The following SGIP1 variants were observed in gnomAD, a reference collection of about 807,000 sequenced individuals.
SGIP1 encodes SH3GL interacting endocytic adaptor 1.
In SGIP1, 38 loss-of-function variants were observed where a neutral mutation model predicts 107.5. The observed-to-expected ratio is 0.35, with a 90% confidence interval of 0.27 to 0.46. The LOEUF is 0.46. Ranked by LOEUF, SGIP1 falls within the 20% of genes least tolerant of loss-of-function variation. The pLI is 1.00. For missense variants in SGIP1, 929 were observed against 1,019.5 expected (o/e 0.91, Z 1.21); for synonymous variants, 365 against 366.1 (o/e 1.00, Z 0.03).
At chr1:66,659,998 G>GAAAGAAAGAAAGAAGGAAAT (rs1557497159) in intron 7 of SGIP1, 9 of 71,916 alleles carry the variant, frequency 1.3e-4, no homozygotes, top group Non-Finnish European at 1.7e-4. Context: ...AAGAAAGAAA[G>GAAAGAAAGAAAGAAGGAAAT]ACAGACAGAC....
In SGIP1 at chr1:66,741,385, C is replaced by T; in HGVS notation, c.2413C>T (p.Leu805Phe). 1 of 1,608,542 alleles carries T rather than the reference C, an allele frequency of 6.2e-7. No individual in the cohort carries two copies. Among genetic ancestry groups the T allele is most frequent in the Non-Finnish European group, 8.5e-7 (1 of 1,176,996 alleles). Reference sequence around the variant, plus strand: ...CACCCTTTCTGGCTGTGACATTGAACTTGTTGGAGCAGGGTATCGATTTTC... The same window carrying T: ...CACCCTTTCTGGCTGTGACATTGAATTTGTTGGAGCAGGGTATCGATTTTC... ...GSTLSGCDIE[L>F]VGAGYRFSLI... Residue 805 changes from leucine to phenylalanine, a missense_variant, in exon 24 of 25, where the codon CTT becomes TTT. Leu to Phe is a conservative substitution (Grantham distance 22). Around this residue, in one of 2 missense-constraint regions of SGIP1, gnomAD observed 341 missense variants for 430.9 expected, o/e 0.79. Transcript: ENST00000371037.
chr1:66,676,324 G>T (rs960323326), intron 12 of SGIP1, among the ~76,000 whole-genome samples: 1 of 152,178 alleles, frequency 6.6e-6, no homozygotes, highest in African/African-American at 2.4e-5. Flanking sequence ...GTACTGAGAA[G>T]CACTAACTAT....
rs2916 is a variant in SGIP1 at position 66,751,014 on chromosome 1, G to A, written c.*7919G>A. On this transcript the variant is annotated 3_prime_UTR_variant, in exon 25 of 25. Coordinates refer to ENST00000371037, the MANE Select transcript of SGIP1 (RefSeq NM_032291.4). ...AATATGCAATTATTTATTATGACACGTTACTGCAACTAGGGCTCCCATTCC... is the reference window on the plus strand; with the variant it reads ...AATATGCAATTATTTATTATGACACATTACTGCAACTAGGGCTCCCATTCC... 0.36 allele frequency among the ~76,000 whole-genome samples: 55,322 copies of A among 152,002 alleles called. 10,859 individuals carry two copies. The highest frequency in any genetic ancestry group is 0.42 in the Non-Finnish European group (28,230 of 67,940).
intron 24 of SGIP1, among the ~76,000 whole-genome samples, chr1:66,742,002 G>T (rs998866829): frequency 6.6e-6 from 1 of 152,070 alleles, no homozygotes; most frequent in Admixed American, 6.5e-5. Context: ...CCCTGAGCTC[G>T]TGATCCGCCT....
intron 1 of SGIP1, among the ~76,000 whole-genome samples, chr1:66,612,451 A>G (rs1274393516): frequency 2.6e-5 from 4 of 152,234 alleles, no homozygotes; most frequent in Non-Finnish European, 4.4e-5. Context: ...CCCTTTCTGT[A>G]TTAACAAAGG....
At chr1:66,556,765 T>C (rs1571277209) in intron 1 of SGIP1, among the ~76,000 whole-genome samples, 1 of 152,010 alleles carries the variant, frequency 6.6e-6, no homozygotes, top group African/African-American at 2.4e-5. Context: ...GAACCCATCA[T>C]GGCTAAAATG....
Position 66,681,895 on chromosome 1 carries a change from A to G in SGIP1, c.841A>G (p.Lys281Glu). 1 of 1,613,570 alleles carries G rather than the reference A, an allele frequency of 6.2e-7. No individual in the cohort carries two copies. The highest frequency in any genetic ancestry group is 1.1e-5 in the South Asian group (1 of 90,962). ...PGNDQSATEV[K>E]IEKLPSINDL... The stretch of plus-strand genomic sequence containing the variant: ...AAATGACCAGTCAGCCACAGAGGTC[A>G]AAATTGAAAAACTACCATCCATCAA... Residue 281 changes from lysine to glutamate, a missense_variant, in exon 15 of 25, where the codon AAA becomes GAA. Lys to Glu is a moderately conservative substitution (Grantham distance 56). Around this residue, in one of 2 missense-constraint regions of SGIP1, gnomAD observed 588 missense variants for 588.6 expected, o/e 1.00. Transcript: ENST00000371037.
At chr1:66,603,085 C>T (rs947219370) in intron 1 of SGIP1, among the ~76,000 whole-genome samples, 4 of 152,022 alleles carry the variant, frequency 2.6e-5, no homozygotes, top group African/African-American at 9.7e-5. Flanking sequence ...GTAGGTGAAG[C>T]CTAAATGAAT....
At position 66,741,182 on chromosome 1, in the gene SGIP1, T is replaced by C. The variant is rs1210600551; in HGVS notation, c.2300-90T>C. On this transcript the variant is annotated intron_variant, in intron 23 of 24. Transcript: ENST00000371037. ...CATTTTGTCAAAGAATCATGTCTGA[T>C]TTTGTACGTTAACTTTTGAATGCAA... 14 of 1,342,360 alleles carry C rather than the reference T, an allele frequency of 1.0e-5. No individual in the cohort carries two copies. In the Admixed American group the frequency reaches 3.6e-4, roughly 34 times the overall value. The allele number at this position is 1,342,360 out of a possible 1,614,324, so 83.2% of individuals were successfully genotyped here. A position where few individuals can be genotyped will look rare whatever the true frequency, so the allele number is the denominator to read the frequency against.
intron 19 of SGIP1, among the ~76,000 whole-genome samples, chr1:66,721,943 G>C (rs2093557609): frequency 6.6e-6 from 1 of 151,962 alleles, no homozygotes; most frequent in Non-Finnish European, 1.5e-5. Flanking sequence ...CTCCCATCTT[G>C]TTCAAAGTAA....
chr1:66,534,679 A>G (rs1285191592), intron 1 of SGIP1, among the ~76,000 whole-genome samples: 1 of 152,168 alleles, frequency 6.6e-6, no homozygotes, highest in African/African-American at 2.4e-5. Flanking sequence ...GCGAGAAGAT[A>G]AGGTTTTCTG....
At chr1:66,741,509 T>C (rs2094445257) in intron 24 of SGIP1, 73 bp downstream of exon 24, 2 of 1,389,756 alleles carry the variant, frequency 1.4e-6, no homozygotes, top group African/African-American at 2.9e-5. Context: ...GAATAGGTTG[T>C]GATTTTCTCA....
chr1:66,577,968 T>G (rs2061311708), intron 1 of SGIP1, among the ~76,000 whole-genome samples: 1 of 152,208 alleles, frequency 6.6e-6, no homozygotes, highest in African/African-American at 2.4e-5. Flanking sequence ...TTGGTTTCTA[T>G]GAATCATTGC....
intron 18 of SGIP1, among the ~76,000 whole-genome samples, chr1:66,703,628 T>C (rs954692346): frequency 1.8e-4 from 28 of 151,494 alleles, no homozygotes; most frequent in African/African-American, 6.8e-4. Context: ...CTATATCATA[T>C]GTGTGATATG....
chr1:66,741,433 G>T lies in SGIP1; in HGVS notation c.2461G>T (p.Ala821Ser). ...RFSLIKKRFA[A>S]GKYLADN is the part of the protein sequence containing the mutation. ...TTCACTCATCAAGAAAAGGTTTGCT[G>T]CAGGTAAATGAGTATCTTGATTTTT... Residue 821 changes from alanine to serine, a missense_variant, in exon 24 of 25, where the codon GCA becomes TCA. By Grantham distance (99) the Ala-to-Ser change is moderately conservative. Transcript: ENST00000371037. 1 of 1,565,728 alleles carries T rather than the reference G, an allele frequency of 6.4e-7. No homozygotes were observed. The highest frequency in any genetic ancestry group is 8.7e-7 in the Non-Finnish European group (1 of 1,155,124).
chr1:66,582,779 T>G (rs2062001312), intron 1 of SGIP1, among the ~76,000 whole-genome samples: 1 of 151,828 alleles, frequency 6.6e-6, no homozygotes, highest in Non-Finnish European at 1.5e-5. Flanking sequence ...AAGTATATGG[T>G]TCTTCAGAAA....
chr1:66,635,315 A>G (rs2075565874), intron 3 of SGIP1, among the ~76,000 whole-genome samples: 1 of 152,238 alleles, frequency 6.6e-6, no homozygotes, highest in South Asian at 2.1e-4. Flanking sequence ...TCCGAGTGTG[A>G]CAATGCATCC....
intron 1 of SGIP1, among the ~76,000 whole-genome samples, chr1:66,539,042 TA>T (rs2054272105): frequency 6.6e-6 from 1 of 152,214 alleles, no homozygotes; most frequent in Non-Finnish European, 1.5e-5. Context: ...AATTTTATCA[TA>T]CAAACTGCTT....
At chr1:66,585,467 T>C (rs915759018) in intron 1 of SGIP1, among the ~76,000 whole-genome samples, 1 of 152,110 alleles carries the variant, frequency 6.6e-6, no homozygotes, top group Non-Finnish European at 1.5e-5. Context: ...ATGCTAACTT[T>C]GGATCTGCAG....
Sources: allele counts gnomAD v4.1 joint callset (sites outside exome capture counted in the v4.1 genomes callset), GRCh38; gene constraint gnomAD v4.1.1; regional missense constraint gnomAD v4.1.1; transcripts MANE v1.5; gene names NCBI Gene and HGNC (gene_info 2026-07-23, HGNC 2026-07-21).